Variants in TPO observed in about 807,000 individuals in gnomAD.
TPO encodes thyroid peroxidase.
Under a neutral mutation model 96.9 loss-of-function variants are expected in TPO, and 78 were observed. That is an observed-to-expected ratio of 0.81 (90% CI 0.67 to 0.97). TPO has a LOEUF of 0.97. Ranked by LOEUF, TPO falls within the 50% of genes least tolerant of loss-of-function variation. The pLI is 0.00. For missense variants in TPO, 1,252 were observed against 1,274.8 expected, an observed-to-expected ratio of 0.98 and a Z score of 0.27; for synonymous variants, 547 against 538.0, an observed-to-expected ratio of 1.02 and a Z score of -0.23.
rs1256237029 is a variant in TPO at position 1,433,457 on chromosome 2, A to G, written c.199A>G (p.Ile67Val). ...TMQRNLKKRG[I>V]LSPAQLLSFS... ...CCATAGAAACCTCAAGAAAAGAGGA[A>G]TCCTTTCTCCAGCTCAGCTTCTGTC... The change falls in exon 4 of 17, where the codon ATC becomes GTC. Residue 67 changes from isoleucine (I) to valine (V), a missense_variant. Ile to Val is a conservative substitution (Grantham distance 29). Transcript: ENST00000329066. 1 of 1,614,244 alleles carries G rather than the reference A, an allele frequency of 6.2e-7. No homozygotes were observed. Among genetic ancestry groups the G allele is most frequent in the South Asian group, 1.1e-5 (1 of 91,090 alleles).
At chr2:1,417,080 G>A (rs1445877678) in intron 2 of TPO, among the ~76,000 whole-genome samples, 1 of 152,270 alleles carries the variant, frequency 6.6e-6, no homozygotes, top group African/African-American at 2.4e-5. Flanking sequence ...CAGTCTCACA[G>A]TCTCACGTCC....
At chr2:1,535,858 TCCC>T (rs113754135) in intron 15 of TPO, among the ~76,000 whole-genome samples, 12,483 of 57,440 alleles carry the variant, frequency 0.22, 3,710 homozygotes, top group African/African-American at 0.6. Flanking sequence ...CCTCCCCGAA[TCCC>T]CCCAACTTTG....
chr2:1,525,745 T>A (rs1353141431), intron 15 of TPO, among the ~76,000 whole-genome samples: 3 of 128,964 alleles, frequency 2.3e-5, no homozygotes, highest in South Asian at 2.8e-4. Flanking sequence ...ACTCCCCAAA[T>A]CTCACCCCAC....
At chr2:1,421,160 G>T (rs981916904) in intron 2 of TPO, among the ~76,000 whole-genome samples, 2 of 152,162 alleles carry the variant, frequency 1.3e-5, no homozygotes, top group Admixed American at 1.3e-4. Context: ...GAGAGAGAGT[G>T]GCCAGAGACT....
At chr2:1,496,346 GGGGC>G in intron 12 of TPO, 149 bp downstream of exon 12, 1 of 1,001,664 alleles carries the variant, frequency 1.0e-6, no homozygotes, top group Non-Finnish European at 1.5e-6. Context: ...CTCCTGGGGC[GGGGC>G]GGGGCGGGGC....
intron 15 of TPO, among the ~76,000 whole-genome samples, chr2:1,534,544 C>T (rs75513120): frequency 0.15 from 4,864 of 31,478 alleles, 1,080 homozygotes; most frequent in Admixed American, 0.21. Context: ...GCAACCTCCC[C>T]AAATCCCTAC....
At chr2:1,397,418 G>A (rs1332455592) in intron 1 of TPO, among the ~76,000 whole-genome samples, 1 of 152,158 alleles carries the variant, frequency 6.6e-6, no homozygotes, top group Non-Finnish European at 1.5e-5. Context: ...AGATGCCGTG[G>A]CCCAGGAGGA....
At chr2:1,492,862 C>T (rs1288009424) in intron 10 of TPO, among the ~76,000 whole-genome samples, 1 of 152,168 alleles carries the variant, frequency 6.6e-6, no homozygotes. Flanking sequence ...CTGGGCGGCG[C>T]TCTGATCAGA....
intron 5 of TPO, among the ~76,000 whole-genome samples, chr2:1,445,149 C>T (rs372505609): frequency 1.0e-4 from 7 of 67,384 alleles, no homozygotes; most frequent in Admixed American, 1.7e-4. Flanking sequence ...CTGCAGGAGG[C>T]ACCATGTTGG....
chr2:1,384,908 G>A (rs1661866409), intron 1 of TPO, among the ~76,000 whole-genome samples: 1 of 152,174 alleles, frequency 6.6e-6, no homozygotes, highest in Admixed American at 6.5e-5. Context: ...TTTATTGAGA[G>A]TTTTTAGCAT....
intron 10 of TPO, 98 bp downstream of exon 10, chr2:1,488,089 T>C: frequency 6.4e-7 from 1 of 1,565,400 alleles, no homozygotes; most frequent in Non-Finnish European, 8.7e-7. Context: ...AGGAAAACAA[T>C]CACAAATCTG....
At chr2:1,520,152 C>A (rs1280796119) in intron 15 of TPO, among the ~76,000 whole-genome samples, 1 of 152,142 alleles carries the variant, frequency 6.6e-6, no homozygotes, top group Non-Finnish European at 1.5e-5. Flanking sequence ...AACCACAGCA[C>A]CCCCAGACCT....
At chr2:1,443,579 T>C (rs1666427471) in intron 5 of TPO, among the ~76,000 whole-genome samples, 1 of 140,866 alleles carries the variant, frequency 7.1e-6, no homozygotes, top group Admixed American at 7.1e-5. Flanking sequence ...AGGCTCCTTC[T>C]TGTTTGTATG....
intron 14 of TPO, among the ~76,000 whole-genome samples, chr2:1,506,107 A>G (rs1029180195): frequency 8.6e-5 from 13 of 151,764 alleles, no homozygotes; most frequent in Admixed American, 5.3e-4. Context: ...TCATTGTTCA[A>G]TTCTCACCTA....
intron 8 of TPO, among the ~76,000 whole-genome samples, chr2:1,480,343 G>T (rs1199447727): frequency 2.0e-5 from 3 of 151,958 alleles, no homozygotes; most frequent in Non-Finnish European, 4.4e-5. Flanking sequence ...TGTCGATAGA[G>T]CCACTGCTGC....
intron 15 of TPO, among the ~76,000 whole-genome samples, chr2:1,527,875 TC>T (rs577322962): frequency 2.6e-3 from 21 of 8,148 alleles, no homozygotes; most frequent in South Asian, 7.2e-3. Flanking sequence ...TTCAACCTCC[TC>T]AAATCCCCCC....
chr2:1,431,371 C>A (rs1030610496), intron 3 of TPO, among the ~76,000 whole-genome samples: 1 of 152,212 alleles, frequency 6.6e-6, no homozygotes, highest in African/African-American at 2.4e-5. Context: ...CCAAGCAGAT[C>A]CTGGGTCCAT....
At chr2:1,437,202 G>A (rs1478175617) in intron 5 of TPO, among the ~76,000 whole-genome samples, 1 of 152,244 alleles carries the variant, frequency 6.6e-6, no homozygotes, top group Admixed American at 6.5e-5. Context: ...CGTTTGGGCT[G>A]AAACGTGCAG....
intron 3 of TPO, among the ~76,000 whole-genome samples, chr2:1,429,729 G>A (rs953464438): frequency 1.3e-5 from 2 of 152,232 alleles, no homozygotes; most frequent in Admixed American, 1.3e-4. Context: ...GCTGCATTGT[G>A]TCCAAGTCGT....
Sources: allele counts gnomAD v4.1 joint callset (sites outside exome capture counted in the v4.1 genomes callset), GRCh38; gene constraint gnomAD v4.1.1; transcripts MANE v1.5; gene names NCBI Gene and HGNC (gene_info 2026-07-23, HGNC 2026-07-21).